ZDHHC2: variants seen among roughly 807,000 people sequenced by gnomAD.
ZDHHC2 encodes the protein zDHHC palmitoyltransferase 2, also known as palmitoyltransferase ZDHHC2.
Under a neutral mutation model 55.6 loss-of-function variants are expected in ZDHHC2, and 51 were observed. That is an observed-to-expected ratio of 0.92 (90% CI 0.73 to 1.16). ZDHHC2 has a LOEUF of 1.16. ZDHHC2 is among the 50% of genes most tolerant of loss of function. ZDHHC2 has a pLI of 0.00. For missense variants in ZDHHC2, 491 were observed against 442.4 expected, an observed-to-expected ratio of 1.11 and a Z score of -0.99; for synonymous variants, 199 against 152.9, an observed-to-expected ratio of 1.30 and a Z score of -2.22.
At chr8:17,164,033 C>G (rs188291685) in intron 1 of ZDHHC2, among the ~76,000 whole-genome samples, 2 of 152,106 alleles carry the variant, frequency 1.3e-5, no homozygotes, top group East Asian at 3.9e-4. Flanking sequence ...ATTATCAAGG[C>G]AGGGGGTAGG....
chr8:17,178,960 C>CT (rs1233709610), intron 1 of ZDHHC2, among the ~76,000 whole-genome samples: 6 of 151,960 alleles, frequency 3.9e-5, no homozygotes, highest in South Asian at 2.1e-4. Flanking sequence ...TTCTTTCTCT[C>CT]TTTTTTTTGA....
chr8:17,179,588 A>C (rs948373794), intron 1 of ZDHHC2, among the ~76,000 whole-genome samples: 3 of 151,864 alleles, frequency 2.0e-5, no homozygotes, highest in African/African-American at 7.3e-5. Flanking sequence ...AAAAAAGTTT[A>C]TTTGTAGAGA....
intron 1 of ZDHHC2, among the ~76,000 whole-genome samples, chr8:17,183,930 C>G (rs892581194): frequency 6.6e-6 from 1 of 152,140 alleles, no homozygotes; most frequent in Non-Finnish European, 1.5e-5. Context: ...ACACTACCCT[C>G]TGGTTCCAGG....
intron 8 of ZDHHC2, among the ~76,000 whole-genome samples, chr8:17,209,042 T>A (rs1292798936): frequency 6.6e-6 from 1 of 152,186 alleles, no homozygotes; most frequent in Non-Finnish European, 1.5e-5. Context: ...TCCATGTTCA[T>A]ATTCCAAAAA....
At chr8:17,175,416 G>A (rs138979309) in intron 1 of ZDHHC2, among the ~76,000 whole-genome samples, 12 of 152,176 alleles carry the variant, frequency 7.9e-5, no homozygotes, top group African/African-American at 2.9e-4. Flanking sequence ...TAACAACTTG[G>A]CATTTCACGC....
At chr8:17,194,244 T>G (rs1487419066) in intron 3 of ZDHHC2, among the ~76,000 whole-genome samples, 3 of 151,882 alleles carry the variant, frequency 2.0e-5, no homozygotes, top group Non-Finnish European at 4.4e-5. Context: ...GCCTCTGTCT[T>G]TATAGTAGAT....
chr8:17,169,624 C>T (rs991529296), intron 1 of ZDHHC2, among the ~76,000 whole-genome samples: 1 of 152,066 alleles, frequency 6.6e-6, no homozygotes, highest in African/African-American at 2.4e-5. Flanking sequence ...ATCATGAACT[C>T]GATTCTGATC....
At chr8:17,162,364 A>G (rs1003247342) in intron 1 of ZDHHC2, among the ~76,000 whole-genome samples, 5 of 152,194 alleles carry the variant, frequency 3.3e-5, no homozygotes, top group African/African-American at 1.2e-4. Flanking sequence ...GTCAAACCTC[A>G]GTTTAAACTG....
intron 1 of ZDHHC2, among the ~76,000 whole-genome samples, chr8:17,178,350 AATAT>A (rs1563146858): frequency 6.6e-6 from 1 of 152,168 alleles, no homozygotes; most frequent in African/African-American, 2.4e-5. Context: ...AGACTAAATT[AATAT>A]ATATAAATCA....
At chr8:17,184,189 T>C (rs1334134124) in intron 1 of ZDHHC2, among the ~76,000 whole-genome samples, 2 of 104,016 alleles carry the variant, frequency 1.9e-5, no homozygotes, top group Non-Finnish European at 3.8e-5. Context: ...TTGTGGCCCC[T>C]GTCCTCATCT....
At position 17,221,886 on chromosome 8, in the gene ZDHHC2, A is replaced by G. The variant is rs1051711323; in HGVS notation, c.*1665A>G. 2.0e-5 allele frequency: 3 copies of G among 152,364 alleles called. No individual in the cohort carries two copies. Among genetic ancestry groups the G allele is most frequent in the South Asian group, 2.1e-4 (1 of 4,824 alleles). The allele number at this position is 152,364 out of a possible 1,614,324, so 9.4% of individuals were successfully genotyped here. ...GTTTTGGTCATTTTTAAAAATACCT[A>G]AAGTGCCAGACCGGAACCTATAGCT... On this transcript the variant is annotated 3_prime_UTR_variant, in exon 13 of 13. Coordinates refer to ENST00000262096, the MANE Select transcript of ZDHHC2 (RefSeq NM_016353.5).
chr8:17,188,371 C>CAGT (rs140602273), intron 3 of ZDHHC2, among the ~76,000 whole-genome samples: 2 of 151,742 alleles, frequency 1.3e-5, no homozygotes, highest in Non-Finnish European at 2.9e-5. Flanking sequence ...TTCTGCCTAG[C>CAGT]AATAGCAGCT....
At chr8:17,196,086 A>G (rs780063123) in intron 4 of ZDHHC2, among the ~76,000 whole-genome samples, 4 of 152,154 alleles carry the variant, frequency 2.6e-5, no homozygotes, top group Non-Finnish European at 5.9e-5. Flanking sequence ...ATAATTTTTT[A>G]TCTATCTTTA....
intron 10 of ZDHHC2, among the ~76,000 whole-genome samples, chr8:17,213,424 G>C (rs1024015949): frequency 3.3e-5 from 5 of 151,812 alleles, no homozygotes; most frequent in African/African-American, 9.7e-5. Context: ...GCTAATTTTT[G>C]TATTTTTAGG....
At position 17,205,795 on chromosome 8, in the gene ZDHHC2, A is replaced by G; in HGVS notation, c.597+20A>G. ...TGGACAGTAAGTCATTAACTTGGTAACTCTTTTTTTGGTATACAATAATAG... is the reference window on the plus strand; with the variant it reads ...TGGACAGTAAGTCATTAACTTGGTAGCTCTTTTTTTGGTATACAATAATAG... On this transcript the variant is annotated intron_variant, in intron 7 of 12. Coordinates refer to ENST00000262096, the MANE Select transcript of ZDHHC2 (RefSeq NM_016353.5). 2 of 1,582,102 alleles carry G rather than the reference A, an allele frequency of 1.3e-6. No individual in the cohort carries two copies. Among genetic ancestry groups the G allele is most frequent in the Non-Finnish European group, 1.7e-6 (2 of 1,169,936 alleles).
chr8:17,218,235 AT>A (rs1375142606), intron 12 of ZDHHC2, among the ~76,000 whole-genome samples: 1 of 152,220 alleles, frequency 6.6e-6, no homozygotes, highest in Non-Finnish European at 1.5e-5. Context: ...TCTGAATTTG[AT>A]TAAATAGCAA....
chr8:17,198,490 C>CT, intron 6 of ZDHHC2, 77 bp downstream of exon 6: 2 of 1,335,542 alleles, frequency 1.5e-6, no homozygotes, highest in South Asian at 3.2e-5. Context: ...CCATGTAAAT[C>CT]TTTTCACACA....
intron 1 of ZDHHC2, among the ~76,000 whole-genome samples, chr8:17,176,875 A>G (rs546202956): frequency 1.8e-4 from 28 of 152,338 alleles, no homozygotes; most frequent in African/African-American, 6.3e-4. Flanking sequence ...ATGTAAAAAT[A>G]TATAAGTAGA....
At chr8:17,217,979 TAA>T (rs1015120980) in intron 12 of ZDHHC2, among the ~76,000 whole-genome samples, 13 of 152,244 alleles carry the variant, frequency 8.5e-5, no homozygotes, top group African/African-American at 3.1e-4. Context: ...TCTAGAATCC[TAA>T]AGTCTATGAA....
Sources: allele counts gnomAD v4.1 joint callset (sites outside exome capture counted in the v4.1 genomes callset), GRCh38; gene constraint gnomAD v4.1.1; transcripts MANE v1.5; gene names NCBI Gene and HGNC (gene_info 2026-07-23, HGNC 2026-07-21).